The following LAMA3 variants were observed in gnomAD, a reference collection of about 807,000 sequenced individuals.
The protein encoded by LAMA3 is laminin subunit alpha-3.
Under a neutral mutation model 402.0 loss-of-function variants are expected in LAMA3, and 281 were observed. That is an observed-to-expected ratio of 0.70 (90% CI 0.63 to 0.77). The LOEUF (loss-of-function observed/expected upper bound fraction) is 0.77, where lower values mean the gene tolerates loss of function less well. LAMA3 is among the 30% of genes least tolerant of loss of function. The pLI, the probability that LAMA3 is intolerant of heterozygous loss-of-function variation, is 0.00. For missense variants in LAMA3, 3,840 were observed against 4,215.5 expected, an observed-to-expected ratio of 0.91 and a Z score of 2.47; for synonymous variants, 1,431 against 1,558.4, an observed-to-expected ratio of 0.92 and a Z score of 1.93.
chr18:23,861,593 A>G lies in LAMA3; in HGVS notation c.4423-53A>G, dbSNP rs900677787. On this transcript the variant is annotated intron_variant, in intron 34 of 74. Transcript: ENST00000313654. ...TAGTACATCATGCACCCATCACCCCAGGGATGCCACGACCAAGACGTTTCC... is the reference window on the plus strand; with the variant it reads ...TAGTACATCATGCACCCATCACCCCGGGGATGCCACGACCAAGACGTTTCC... The G allele has an allele frequency of 2.5e-6, 4 of 1,605,740 alleles. No individual in the cohort carries two copies. In the African/African-American group the frequency reaches 5.3e-5, roughly 21 times the overall value.
chr18:23,780,877 A>G (rs953557376), intron 11 of LAMA3, among the ~76,000 whole-genome samples: 1 of 152,204 alleles, frequency 6.6e-6, no homozygotes, highest in Non-Finnish European at 1.5e-5. Context: ...AAAACTGGGA[A>G]GTGATATGAA....
chr18:23,750,795 A>G, intron 4 of LAMA3, 123 bp from the exon 5 acceptor site: 3 of 973,094 alleles, frequency 3.1e-6, no homozygotes, highest in Admixed American at 1.8e-5. Flanking sequence ...AAGACCCCCT[A>G]CGAATATCAA....
At chr18:23,753,908 G>A in intron 6 of LAMA3, 96 bp downstream of exon 6, 1 of 812,650 alleles carries the variant, frequency 1.2e-6, no homozygotes. Flanking sequence ...CTAGGTTCCT[G>A]TCCTCAATAG....
chr18:23,775,984 C>G (rs2062309789), intron 10 of LAMA3, 61 bp downstream of exon 10: 13 of 1,584,934 alleles, frequency 8.2e-6, no homozygotes, highest in Non-Finnish European at 1.0e-5. Flanking sequence ...CTTTTGTGCA[C>G]TAACCTCTGA....
At chr18:23,701,127 T>C (rs1192559714) in intron 1 of LAMA3, among the ~76,000 whole-genome samples, 1 of 152,252 alleles carries the variant, frequency 6.6e-6, no homozygotes, top group Non-Finnish European at 1.5e-5. Flanking sequence ...CATTGTTGCC[T>C]GGGAAACCTC....
At chr18:23,831,707 GAC>G (rs1279095953) in intron 23 of LAMA3, among the ~76,000 whole-genome samples, 1 of 152,094 alleles carries the variant, frequency 6.6e-6, no homozygotes, top group Non-Finnish European at 1.5e-5. Context: ...CTCGCTGGTG[GAC>G]TGGCATAGCA....
chr18:23,874,713 C>A (rs2144846899), intron 38 of LAMA3, among the ~76,000 whole-genome samples: 1 of 152,250 alleles, frequency 6.6e-6, no homozygotes, highest in South Asian at 2.1e-4. Context: ...TTCAAGATTT[C>A]CTTTGAGTAT....
At chr18:23,936,346 G>A (rs943628195) in intron 67 of LAMA3, among the ~76,000 whole-genome samples, 16 of 150,760 alleles carry the variant, frequency 1.1e-4, no homozygotes, top group African/African-American at 3.4e-4. Context: ...CCATTAACTC[G>A]TCATTTACAT....
chr18:23,743,305 G>T (rs902331805), intron 2 of LAMA3, among the ~76,000 whole-genome samples: 1 of 152,280 alleles, frequency 6.6e-6, no homozygotes, highest in Admixed American at 6.5e-5. Flanking sequence ...CCCCCCCAGG[G>T]GAGTTGATTC....
intron 35 of LAMA3, 131 bp from the exon 36 acceptor site, chr18:23,864,654 A>T: frequency 1.4e-6 from 1 of 706,258 alleles, no homozygotes; most frequent in Admixed American, 2.0e-5. Context: ...CACCTCCTAG[A>T]TACAACCCTT....
chr18:23,812,008 G>A (rs1399722221), intron 13 of LAMA3, among the ~76,000 whole-genome samples: 1 of 151,924 alleles, frequency 6.6e-6, no homozygotes, highest in African/African-American at 2.4e-5. Context: ...CGAGTAGCTG[G>A]GATTACAGGC....
chr18:23,870,407 C>T (rs772027712), intron 37 of LAMA3, among the ~76,000 whole-genome samples: 2 of 152,002 alleles, frequency 1.3e-5, no homozygotes, highest in African/African-American at 2.4e-5. Flanking sequence ...AATGGTGCAT[C>T]CACTGTGGAA....
chr18:23,894,103 G>T (rs2080791686), intron 42 of LAMA3, among the ~76,000 whole-genome samples, 195 bp from the exon 43 acceptor site: 1 of 151,966 alleles, frequency 6.6e-6, no homozygotes, highest in Non-Finnish European at 1.5e-5. Flanking sequence ...AGCGATGCTG[G>T]GTAGTTGGGT....
chr18:23,941,756 C>CT (rs1018194421), intron 68 of LAMA3, among the ~76,000 whole-genome samples: 84 of 152,290 alleles, frequency 5.5e-4, no homozygotes, highest in African/African-American at 1.9e-3. Context: ...CCACTGCTGC[C>CT]TTTTTTTGGG....
intron 12 of LAMA3, among the ~76,000 whole-genome samples, chr18:23,800,682 G>A (rs1381784780): frequency 1.3e-5 from 2 of 151,890 alleles, no homozygotes; most frequent in Admixed American, 1.3e-4. Context: ...CCCTGTCCCC[G>A]CTCCTACACT....
chr18:23,705,071 G>A (rs2060860978), intron 1 of LAMA3, among the ~76,000 whole-genome samples: 1 of 151,940 alleles, frequency 6.6e-6, no homozygotes, highest in East Asian at 1.9e-4. Context: ...ATCTGAATAG[G>A]CTAATAATAT....
intron 12 of LAMA3, among the ~76,000 whole-genome samples, chr18:23,797,757 A>G (rs1395072546): frequency 6.6e-6 from 1 of 152,174 alleles, no homozygotes; most frequent in Non-Finnish European, 1.5e-5. Flanking sequence ...AGAGAATTTT[A>G]AAACCCTTCT....
intron 64 of LAMA3, 94 bp downstream of exon 64, chr18:23,928,859 G>T: frequency 8.1e-7 from 1 of 1,233,098 alleles, no homozygotes; most frequent in Non-Finnish European, 1.2e-6. Flanking sequence ...TGGTGGAGTT[G>T]TACATTTTTT....
At chr18:23,764,893 G>A (rs1336191047) in intron 8 of LAMA3, among the ~76,000 whole-genome samples, 1 of 152,264 alleles carries the variant, frequency 6.6e-6, no homozygotes, top group South Asian at 2.1e-4. Flanking sequence ...CCCTCCCATG[G>A]AGGATTGGTC....
Sources: allele counts gnomAD v4.1 joint callset (sites outside exome capture counted in the v4.1 genomes callset), GRCh38; gene constraint gnomAD v4.1.1; transcripts MANE v1.5; gene names NCBI Gene and HGNC (gene_info 2026-07-23, HGNC 2026-07-21).